IFT122: variants seen among roughly 807,000 people sequenced by gnomAD.
IFT122 encodes intraflagellar transport 122.
Under a neutral mutation model 161.6 loss-of-function variants are expected in IFT122, and 118 were observed. The ratio of observed to expected loss-of-function variants is 0.73; its 90% CI spans 0.63 to 0.85. The LOEUF (loss-of-function observed/expected upper bound fraction) is 0.85. IFT122 is among the 40% of genes least tolerant of loss of function. The pLI, the probability that IFT122 is intolerant of heterozygous loss-of-function variation, is 0.00. For synonymous variants in IFT122, 550 were observed against 602.4 expected (o/e 0.91, Z 1.27); for missense variants, 1,381 against 1,579.6 (o/e 0.87, Z 2.13).
intron 27 of IFT122, 91 bp from the exon 28 acceptor site, chr3:129,519,016 G>T: frequency 9.2e-7 from 1 of 1,088,784 alleles, no homozygotes; most frequent in Non-Finnish European, 1.4e-6. Context: ...TGGTCTGGCT[G>T]CCCTTGAGTC....
chr3:129,486,033 G>A (rs2079235327), intron 15 of IFT122, among the ~76,000 whole-genome samples: 1 of 152,262 alleles, frequency 6.6e-6, no homozygotes, highest in Non-Finnish European at 1.5e-5. Flanking sequence ...CGAGCCCTAG[G>A]AGGGCTTCTC....
chr3:129,464,868 G>C lies in IFT122; in HGVS notation c.563+87G>C, dbSNP rs763857485. The stretch of plus-strand genomic sequence containing the variant: ...TCCTGAGGTCTCCCTACATTCAAAG[G>C]CTTCTCACCTCACTTGAATGGTCTG... On this transcript the variant is annotated intron_variant, in intron 7 of 29. Transcript: ENST00000348417. The C allele has an allele frequency of 2.9e-5, 41 of 1,429,422 alleles. No homozygotes were observed. In the East Asian group the frequency reaches 3.2e-4, roughly 11 times the overall value. 88.5% of individuals were successfully genotyped at this position (1,429,422 alleles called of 1,614,324 possible). A position where few individuals can be genotyped will look rare whatever the true frequency, so the allele number is the denominator to read the frequency against.
At chr3:129,461,910 G>T (rs2076250391) in intron 5 of IFT122, among the ~76,000 whole-genome samples, 1 of 152,164 alleles carries the variant, frequency 6.6e-6, no homozygotes, top group Non-Finnish European at 1.5e-5. Flanking sequence ...GAGTGAAATT[G>T]GGCAGAGGCT....
intron 2 of IFT122, among the ~76,000 whole-genome samples, chr3:129,451,277 T>A (rs138184580): frequency 1.4e-3 from 207 of 148,754 alleles, no homozygotes; most frequent in East Asian, 8.7e-3. Flanking sequence ...TTTTATTTTT[T>A]TTTATTTTTA....
At chr3:129,506,331 C>T in intron 21 of IFT122, 78 bp from the exon 22 acceptor site, 1 of 1,549,510 alleles carries the variant, frequency 6.5e-7, no homozygotes, top group Non-Finnish European at 8.8e-7. Context: ...CTGTGCAAGC[C>T]CCACAGAGCT....
chr3:129,515,934 G>A (rs772087845), intron 26 of IFT122, among the ~76,000 whole-genome samples: 1 of 152,158 alleles, frequency 6.6e-6, no homozygotes, highest in Non-Finnish European at 1.5e-5. Flanking sequence ...CTCCTTTGAT[G>A]TTGACAGAGG....
At chr3:129,493,856 A>T (rs937340836) in intron 17 of IFT122, among the ~76,000 whole-genome samples, 7 of 152,216 alleles carry the variant, frequency 4.6e-5, no homozygotes, top group Admixed American at 6.5e-5. Context: ...TACTGGGGTC[A>T]AAATGTAGTC....
chr3:129,466,495 C>CTTTTTTTTTTTTTTTT (rs527470540), intron 7 of IFT122, among the ~76,000 whole-genome samples: 17 of 102,178 alleles, frequency 1.7e-4, no homozygotes, highest in Admixed American at 2.4e-4. Context: ...TATTTTTATT[C>CTTTTTTTTTTTTTTTT]TTTTTTTTTT....
chr3:129,517,636 G>C lies in IFT122; in HGVS notation c.3391+42G>C, dbSNP rs199869854. The C allele has an allele frequency of 1.9e-4, 308 of 1,605,498 alleles. 1 individual carries two copies. The highest frequency in any genetic ancestry group is 1.7e-4 in the Middle Eastern group (1 of 5,984). ...CCAGAGCCTGTGTGTGCGGCTGTGT[G>C]AGGGGTCTGGGGACAGGCGGGAAGT... On this transcript the variant is annotated intron_variant, in intron 27 of 29. Coordinates refer to ENST00000348417, the MANE Select transcript of IFT122 (RefSeq NM_052989.3).
chr3:129,510,497 A>G (rs957258242), intron 23 of IFT122, among the ~76,000 whole-genome samples: 1 of 152,106 alleles, frequency 6.6e-6, no homozygotes, highest in African/African-American at 2.4e-5. Flanking sequence ...TCAGGTGCTC[A>G]CCTGGAGAGA....
At chr3:129,467,094 C>T in intron 8 of IFT122, 28 bp downstream of exon 8, 1 of 1,606,596 alleles carries the variant, frequency 6.2e-7, no homozygotes, top group East Asian at 2.2e-5. Flanking sequence ...AGTGGGAACC[C>T]TTCTGGTAAG....
intron 3 of IFT122, among the ~76,000 whole-genome samples, chr3:129,457,190 T>C (rs1477777558): frequency 2.6e-5 from 4 of 152,204 alleles, no homozygotes; most frequent in Admixed American, 2.0e-4. Context: ...TTCCAAATGC[T>C]TATAAATGTG....
In IFT122 at chr3:129,495,498, T is replaced by C; in HGVS notation, c.2099T>C (p.Phe700Ser). 3 of 1,614,194 alleles carry C rather than the reference T, an allele frequency of 1.9e-6. No homozygotes were observed. The highest frequency in any genetic ancestry group is 2.5e-6 in the Non-Finnish European group (3 of 1,180,044). ...AATGACCTGTTTCTGGCAGATGTGTTTTCCTACCAGGGGAAGTTCCATGAG... is the reference window on the plus strand; with the variant it reads ...AATGACCTGTTTCTGGCAGATGTGTCTTCCTACCAGGGGAAGTTCCATGAG... The part of the protein sequence containing the change: ...TNNDLFLADV[F>S]SYQGKFHEAA... Residue 700 changes from phenylalanine to serine, a missense_variant, in exon 18 of 30, where the codon TTT becomes TCT. Phe to Ser is a radical substitution (Grantham distance 155). This residue lies in a region of IFT122 where 496 missense variants were observed against 502.5 expected (regional missense o/e 0.99). Coordinates refer to ENST00000348417, the MANE Select transcript of IFT122 (RefSeq NM_052989.3).
At chr3:129,510,707 C>T (rs2082726188) in intron 23 of IFT122, among the ~76,000 whole-genome samples, 1 of 152,210 alleles carries the variant, frequency 6.6e-6, no homozygotes, top group Admixed American at 6.5e-5. Flanking sequence ...GCTCCAGGAC[C>T]TACATGGGAC....
rs368032371 is a variant in IFT122 at position 129,459,348 on chromosome 3, G to C, written c.272+671G>C. Reference sequence around the variant, plus strand: ...TCTGTTGCCCAGGCTGGAGTGCAGTGGCACGATCTCGGCTCACCGCAAGCT... The same window carrying C: ...TCTGTTGCCCAGGCTGGAGTGCAGTCGCACGATCTCGGCTCACCGCAAGCT... On this transcript the variant is annotated intron_variant, in intron 4 of 29. Transcript: ENST00000348417. 6 of 447,284 alleles carry C rather than the reference G, an allele frequency of 1.3e-5. No homozygotes were observed. The East Asian group carries it at 4.3e-4, about 32-fold the overall frequency. 27.7% of individuals were successfully genotyped at this position (447,284 alleles called of 1,614,324 possible).
intron 16 of IFT122, 106 bp from the exon 17 acceptor site, chr3:129,492,035 T>C: frequency 2.4e-6 from 2 of 849,354 alleles, no homozygotes; most frequent in South Asian, 2.7e-5. Flanking sequence ...CTTCCTCTCC[T>C]CTGTGGCTCA....
intron 2 of IFT122, 45 bp from the exon 3 acceptor site, chr3:129,451,869 C>T: frequency 6.8e-7 from 1 of 1,480,366 alleles, no homozygotes; most frequent in East Asian, 2.3e-5. Context: ...GGAATTCTGA[C>T]TAATAGATAT....
At chr3:129,517,324 T>TA (rs1224689662) in intron 26 of IFT122, 145 bp from the exon 27 acceptor site, 1 of 855,626 alleles carries the variant, frequency 1.2e-6, no homozygotes, top group African/African-American at 1.8e-5. Context: ...TGCACACACA[T>TA]ACAGAGACTG....
chr3:129,511,496 C>T (rs1354391755), intron 23 of IFT122, among the ~76,000 whole-genome samples: 1 of 152,192 alleles, frequency 6.6e-6, no homozygotes, highest in Non-Finnish European at 1.5e-5. Flanking sequence ...AGAGGAGTTA[C>T]TGGCCTGCTG....
Sources: allele counts gnomAD v4.1 joint callset (sites outside exome capture counted in the v4.1 genomes callset), GRCh38; gene constraint gnomAD v4.1.1; regional missense constraint gnomAD v4.1.1; transcripts MANE v1.5; gene names NCBI Gene and HGNC (gene_info 2026-07-23, HGNC 2026-07-21).